Variants in HMCN1 observed in about 807,000 individuals in gnomAD.
HMCN1 encodes the protein hemicentin-1.
In HMCN1, 321 loss-of-function variants were observed where a neutral mutation model predicts 625.9. The observed-to-expected ratio is 0.51, with a 90% CI of 0.47 to 0.56. The LOEUF (loss-of-function observed/expected upper bound fraction) is 0.56. HMCN1 is among the 20% of genes least tolerant of loss of function. The probability of loss-of-function intolerance (pLI) is 0.00; values close to 1 mark genes in which losing one functional copy is unlikely to be tolerated. For missense variants in HMCN1, 6,588 were observed against 6,887.3 expected (o/e 0.96, Z 1.54); for synonymous variants, 2,425 against 2,417.6 (o/e 1.00, Z -0.09).
chr1:185,802,085 A>G (rs939535118), intron 1 of HMCN1, among the ~76,000 whole-genome samples: 3 of 152,130 alleles, frequency 2.0e-5, no homozygotes, highest in African/African-American at 7.2e-5. Context: ...GATGAGAAAA[A>G]GTAGAGAAGT....
intron 6 of HMCN1, among the ~76,000 whole-genome samples, chr1:185,919,220 C>T (rs910063646): frequency 2.0e-5 from 3 of 151,986 alleles, no homozygotes; most frequent in South Asian, 2.1e-4. Flanking sequence ...ATTTTCTTTG[C>T]CCCTCCAAGA....
In HMCN1 at chr1:186,073,099, G is replaced by A. The variant is rs1658573406; in HGVS notation, c.8140-1642G>A. On this transcript the variant is annotated intron_variant, in intron 52 of 106. Transcript: ENST00000271588. The stretch of plus-strand genomic sequence containing the variant: ...TCAAATATAGGTTCAAGATAAGTGA[G>A]AGTAAATAGAGAAGAGGTCTAAGGA... Among the ~76,000 whole-genome samples the A allele has an allele frequency of 3.3e-5, 5 of 152,124 alleles. No individual in the cohort carries two copies. The South Asian group carries it at 1.0e-3, about 31-fold the overall frequency.
At chr1:185,885,547 A>G (rs1408186507) in intron 4 of HMCN1, among the ~76,000 whole-genome samples, 1 of 151,646 alleles carries the variant, frequency 6.6e-6, no homozygotes, top group African/African-American at 2.4e-5. Flanking sequence ...CTAAACCACT[A>G]GTATGATTGC....
intron 89 of HMCN1, 43 bp downstream of exon 89, chr1:186,138,015 A>T: frequency 1.2e-6 from 2 of 1,602,232 alleles, no homozygotes; most frequent in Non-Finnish European, 1.7e-6. Flanking sequence ...AAACTTTTCT[A>T]TCTTAACCCC....
chr1:186,065,434 G>T lies in HMCN1; in HGVS notation c.7705+5G>T. 1 of 1,576,710 alleles carries T rather than the reference G, an allele frequency of 6.3e-7. No individual in the cohort carries two copies. The highest frequency in any genetic ancestry group is 8.6e-7 in the Non-Finnish European group (1 of 1,168,852). ...GCTTCAGTCTTAATGTATTTGGTAGGTGTGGGCTTTTCTTCATATCTTAAA... is the reference window on the plus strand; with the variant it reads ...GCTTCAGTCTTAATGTATTTGGTAGTTGTGGGCTTTTCTTCATATCTTAAA... On this transcript the variant is annotated splice_donor_5th_base_variant and intron_variant, in intron 49 of 106. Transcript: ENST00000271588.
At chr1:185,943,964 T>G (rs1222561374) in intron 11 of HMCN1, among the ~76,000 whole-genome samples, 1 of 152,148 alleles carries the variant, frequency 6.6e-6, no homozygotes, top group African/African-American at 2.4e-5. Flanking sequence ...CAGATATATG[T>G]TTTTTATATC....
chr1:186,057,853 CTT>C (rs1657443489), intron 46 of HMCN1, among the ~76,000 whole-genome samples: 1 of 151,950 alleles, frequency 6.6e-6, no homozygotes, highest in Non-Finnish European at 1.5e-5. Context: ...TGAGCTAAGA[CTT>C]TATTTTCAAG....
chr1:186,168,687 A>AGAGAGGGATTTGGTTAT (rs1440416423), intron 100 of HMCN1, among the ~76,000 whole-genome samples: 1 of 152,132 alleles, frequency 6.6e-6, no homozygotes, highest in African/African-American at 2.4e-5. Flanking sequence ...TATAGACCTG[A>AGAGAGGGATTTGGTTAT]GAGAGGGATT....
At chr1:185,802,358 T>A (rs562599909) in intron 1 of HMCN1, among the ~76,000 whole-genome samples, 1 of 152,278 alleles carries the variant, frequency 6.6e-6, no homozygotes, top group African/African-American at 2.4e-5. Context: ...AGACTAGACA[T>A]CTTGATATAA....
At chr1:186,058,552 T>C (rs548618100) in intron 46 of HMCN1, among the ~76,000 whole-genome samples, 1 of 151,930 alleles carries the variant, frequency 6.6e-6, no homozygotes, top group Non-Finnish European at 1.5e-5. Context: ...TGGTATCTAA[T>C]CCAAAGTAAA....
rs760273562 is a variant in HMCN1 at position 186,053,940 on chromosome 1, G to T, written c.6816G>T (p.Ser2272=). The part of the protein sequence containing the change: ...SDAALYSCVA[S]NVAGTAKKEY... Reference sequence around the variant, plus strand: ...CAGCACTCTATTCATGTGTGGCGTCGAATGTTGCTGGGACTGCAAAGAAAG... The same window carrying T: ...CAGCACTCTATTCATGTGTGGCGTCTAATGTTGCTGGGACTGCAAAGAAAG... The change falls in exon 44 of 107, where the codon TCG becomes TCT. Residue 2272 remains serine (S), a synonymous_variant. Transcript: ENST00000271588. 6.2e-7 allele frequency: 1 copy of T among 1,612,678 alleles called. No homozygotes were observed.
At chr1:186,111,032 A>G (rs1225428868) in intron 71 of HMCN1, among the ~76,000 whole-genome samples, 35 of 121,568 alleles carry the variant, frequency 2.9e-4, no homozygotes, top group African/African-American at 1.0e-3. Context: ...CCAGGTTGGC[A>G]TGCAGTGGCG....
chr1:185,944,956 T>C (rs570838474), intron 11 of HMCN1, among the ~76,000 whole-genome samples: 2 of 152,350 alleles, frequency 1.3e-5, no homozygotes, highest in South Asian at 4.1e-4. Context: ...AAACATTGTT[T>C]AATATTTTTT....
At chr1:185,799,528 C>A (rs1658645734) in intron 1 of HMCN1, among the ~76,000 whole-genome samples, 1 of 152,096 alleles carries the variant, frequency 6.6e-6, no homozygotes, top group African/African-American at 2.4e-5. Context: ...GGCAAAAGTG[C>A]AAGAATGGTG....
intron 1 of HMCN1, among the ~76,000 whole-genome samples, chr1:185,796,203 T>C (rs1402880223): frequency 1.3e-5 from 2 of 152,138 alleles, no homozygotes; most frequent in Non-Finnish European, 1.5e-5. Flanking sequence ...TTATAAGGAG[T>C]GCACAACCTA....
intron 81 of HMCN1, 87 bp downstream of exon 81, chr1:186,123,307 A>G: frequency 6.8e-7 from 1 of 1,471,306 alleles, no homozygotes. Context: ...GATGGAAGTC[A>G]AAAACCCTTA....
intron 1 of HMCN1, among the ~76,000 whole-genome samples, chr1:185,815,793 A>G (rs1181162756): frequency 2.7e-5 from 4 of 150,326 alleles, no homozygotes; most frequent in Admixed American, 6.6e-5. Context: ...ATAACTGACA[A>G]TAGTACCATT....
In HMCN1 at chr1:186,171,369, C is replaced by T. The variant is rs760873544; in HGVS notation, c.15607C>T (p.His5203Tyr). The T allele has an allele frequency of 1.9e-6, 3 of 1,613,468 alleles. No individual in the cohort carries two copies. In the Admixed American group the frequency reaches 5.0e-5, roughly 27 times the overall value. ...INECQESSPC[H>Y]QRCFNAIGSF... ...TGAATGTCAAGAATCCAGCCCCTGTCACCAGCGCTGTTTCAATGCCATAGG... is the reference window on the plus strand; with the variant it reads ...TGAATGTCAAGAATCCAGCCCCTGTTACCAGCGCTGTTTCAATGCCATAGG... Residue 5203 changes from histidine (H) to tyrosine (Y), a missense_variant, in exon 101 of 107, where the codon CAC (histidine) becomes TAC (tyrosine). Around this residue, in one of 3 missense-constraint regions of HMCN1, gnomAD observed 1,954 missense variants for 2,013.1 expected, o/e 0.97. Coordinates refer to ENST00000271588, the MANE Select transcript of HMCN1 (RefSeq NM_031935.3).
At chr1:186,013,650 C>G (rs1654143000) in intron 30 of HMCN1, among the ~76,000 whole-genome samples, 1 of 152,000 alleles carries the variant, frequency 6.6e-6, no homozygotes, top group South Asian at 2.1e-4. Context: ...GATGCTGGAG[C>G]ATGTAGTAAG....
Sources: gnomAD v4.1 joint callset for allele counts (sites outside exome capture counted in the v4.1 genomes callset) on GRCh38, gnomAD v4.1.1 for gene constraint, gnomAD v4.1.1 regional missense constraint, MANE v1.5 for transcripts, NCBI Gene and HGNC (gene_info 2026-07-23, HGNC 2026-07-21) for gene names.